The following ZNF385D variants were observed in gnomAD, a reference collection of about 807,000 sequenced individuals.
The protein encoded by ZNF385D is zinc finger protein 659.
Under a neutral mutation model 35.8 loss-of-function variants are expected in ZNF385D, and 15 were observed. The ratio of observed to expected loss-of-function variants is 0.42; its 90% CI spans 0.28 to 0.64. The LOEUF (loss-of-function observed/expected upper bound fraction) is 0.64, where lower values mean the gene tolerates loss of function less well. ZNF385D is among the 30% of genes least tolerant of loss of function. The pLI, the probability that ZNF385D is intolerant of heterozygous loss-of-function variation, is 0.23. For synonymous variants in ZNF385D, 212 were observed against 186.8 expected (o/e 1.13, Z -1.10); for missense variants, 474 against 494.6 (o/e 0.96, Z 0.39).
chr3:21,495,009 C>A (rs1218557004), intron 4 of ZNF385D, among the ~76,000 whole-genome samples: 1 of 151,958 alleles, frequency 6.6e-6, no homozygotes, highest in African/African-American at 2.4e-5. Context: ...TATTTTCTAC[C>A]CTGGATTATA....
Position 22,304,186 on chromosome 3 carries a change from T to A in ZNF385D, c.106+68264A>T, listed in dbSNP as rs1329653141. 2.6e-5 allele frequency among the ~76,000 whole-genome samples: 4 copies of A among 152,326 alleles called. No homozygotes were observed. In the East Asian group the frequency reaches 7.7e-4, roughly 29 times the overall value. ...AATTTTTAATAAAGAGCAAGTTTCT[T>A]CTTGTTTTCTCTAAAGAATATCCCT... On this transcript the variant is annotated intron_variant, in intron 2 of 5. Coordinates refer to the ZNF385D transcript ENST00000494108.
At chr3:21,853,541 T>G (rs11129028) in intron 3 of ZNF385D, among the ~76,000 whole-genome samples, 10,236 of 150,556 alleles carry the variant, frequency 0.068, 518 homozygotes, top group East Asian at 0.2. Flanking sequence ...GAATGTCACT[T>G]TATCATATCA....
chr3:21,454,766 G>T (rs1443422002), intron 4 of ZNF385D, among the ~76,000 whole-genome samples: 1 of 152,128 alleles, frequency 6.6e-6, no homozygotes, highest in East Asian at 1.9e-4. Flanking sequence ...AAGAAATAAA[G>T]GGTATTCAAT....
chr3:21,699,989 G>A lies in ZNF385D; in HGVS notation c.23-34961C>T, dbSNP rs569369547. Among the ~76,000 whole-genome samples the A allele has an allele frequency of 3.2e-3, 483 of 151,956 alleles. 2 individuals are homozygous for A. Among genetic ancestry groups the A allele is most frequent in the African/African-American group, 0.011 (468 of 41,444 alleles). On this transcript the variant is annotated intron_variant, in intron 1 of 7. Transcript: ENST00000281523. ...TGGGATTACAGGTGCATGCCACCATGCCCAGCTAATTTTTGTATTTTTAGT... is the reference window on the plus strand; with the variant it reads ...TGGGATTACAGGTGCATGCCACCATACCCAGCTAATTTTTGTATTTTTAGT...
At chr3:21,837,607 C>T (rs1393957350) in intron 3 of ZNF385D, among the ~76,000 whole-genome samples, 1 of 152,058 alleles carries the variant, frequency 6.6e-6, no homozygotes, top group Non-Finnish European at 1.5e-5. Flanking sequence ...GGTGCAGTGG[C>T]TCACACCTGT....
intron 2 of ZNF385D, among the ~76,000 whole-genome samples, chr3:22,190,772 G>C (rs1463090392): frequency 6.6e-6 from 1 of 151,968 alleles, no homozygotes; most frequent in Admixed American, 6.6e-5. Flanking sequence ...CTGTAACAAA[G>C]GTACAGGCTA....
intron 1 of ZNF385D, among the ~76,000 whole-genome samples, chr3:21,717,105 C>T (rs1035428146): frequency 3.3e-5 from 5 of 152,144 alleles, no homozygotes; most frequent in Non-Finnish European, 7.4e-5. Context: ...TGCACTCCAA[C>T]CTGGCAACGA....
At chr3:22,093,782 G>C (rs1273426303) in intron 3 of ZNF385D, among the ~76,000 whole-genome samples, 1 of 151,962 alleles carries the variant, frequency 6.6e-6, no homozygotes, top group Non-Finnish European at 1.5e-5. Context: ...TCCCACAGTT[G>C]TTTAGCATTA....
intron 1 of ZNF385D, among the ~76,000 whole-genome samples, chr3:21,740,773 G>A (rs1037975008): frequency 7.2e-5 from 11 of 152,128 alleles, no homozygotes; most frequent in Non-Finnish European, 1.3e-4. Flanking sequence ...ACTTCCCAGG[G>A]CCTCAGGATG....
intron 3 of ZNF385D, among the ~76,000 whole-genome samples, chr3:21,958,212 A>C (rs139346681): frequency 6.8e-4 from 104 of 152,262 alleles, no homozygotes; most frequent in Admixed American, 1.4e-3. Flanking sequence ...AGCGTGCACC[A>C]ATAATGGGCA....
chr3:21,436,561 G>A (rs996046411), intron 5 of ZNF385D, among the ~76,000 whole-genome samples: 18 of 151,986 alleles, frequency 1.2e-4, no homozygotes, highest in African/African-American at 4.1e-4. Context: ...TCAAAATAGA[G>A]GGGTTTTAAC....
chr3:21,809,649 T>C (rs1346896051), intron 3 of ZNF385D, among the ~76,000 whole-genome samples: 6 of 124,114 alleles, frequency 4.8e-5, no homozygotes, highest in Non-Finnish European at 7.2e-5. Context: ...CATATACATA[T>C]ACATATACAT....
chr3:21,671,467 G>A (rs1414678520), intron 1 of ZNF385D, among the ~76,000 whole-genome samples: 1 of 152,086 alleles, frequency 6.6e-6, no homozygotes, highest in East Asian at 1.9e-4. Flanking sequence ...GCATGGATTA[G>A]CCTTCTATCC....
chr3:21,893,033 GA>G (rs1384394104), intron 3 of ZNF385D, among the ~76,000 whole-genome samples: 1 of 152,146 alleles, frequency 6.6e-6, no homozygotes, highest in Non-Finnish European at 1.5e-5. Flanking sequence ...AAACATAGGA[GA>G]AGAGAAGAAA....
intron 2 of ZNF385D, among the ~76,000 whole-genome samples, chr3:22,362,583 A>G (rs1696463228): frequency 6.6e-6 from 1 of 152,138 alleles, no homozygotes; most frequent in Admixed American, 6.5e-5. Flanking sequence ...CATATCTTAC[A>G]GAACATAGGT....
At chr3:22,132,316 C>T (rs1479782811) in intron 3 of ZNF385D, among the ~76,000 whole-genome samples, 1 of 152,124 alleles carries the variant, frequency 6.6e-6, no homozygotes, top group Admixed American at 6.6e-5. Context: ...AAGAAACGGA[C>T]ATTCATCAGA....
Position 22,032,978 on chromosome 3 carries a change from G to A in ZNF385D, c.325+135839C>T, listed in dbSNP as rs1048745057. On this transcript the variant is annotated intron_variant, in intron 3 of 5. Coordinates refer to the ZNF385D transcript ENST00000494108. ...ATGAAAGTTTGATCTGCATCATTCCGTTATAAAACTCTTGCTCTTAGACCC... is the reference window on the plus strand; with the variant it reads ...ATGAAAGTTTGATCTGCATCATTCCATTATAAAACTCTTGCTCTTAGACCC... Among the ~76,000 whole-genome samples, 9 of 152,078 alleles carry A rather than the reference G, an allele frequency of 5.9e-5. 1 individual carries two copies. Among genetic ancestry groups the A allele is most frequent in the East Asian group, 3.9e-4 (2 of 5,182 alleles).
At chr3:21,987,063 T>C (rs1333322334) in intron 3 of ZNF385D, among the ~76,000 whole-genome samples, 2 of 115,706 alleles carry the variant, frequency 1.7e-5, no homozygotes, top group African/African-American at 7.6e-5. Context: ...TATGTATGTC[T>C]CTGCACGTGA....
chr3:21,920,145 G>C lies in ZNF385D; in HGVS notation c.325+248672C>G, dbSNP rs527907274. The stretch of plus-strand genomic sequence containing the variant: ...GAAGAATATGCAACAGAGACTATAG[G>C]TGTCCCCCAAAGATTAAACTATGTA... On this transcript the variant is annotated intron_variant, in intron 3 of 5. Coordinates refer to the ZNF385D transcript ENST00000494108. Among the ~76,000 whole-genome samples, 3 of 152,204 alleles carry C rather than the reference G, an allele frequency of 2.0e-5. No homozygotes were observed. In the East Asian group the frequency reaches 5.8e-4, roughly 29 times the overall value.
Sources: gnomAD v4.1 joint callset for allele counts (sites outside exome capture counted in the v4.1 genomes callset) on GRCh38, gnomAD v4.1.1 for gene constraint, MANE v1.5 for transcripts, NCBI Gene and HGNC (gene_info 2026-07-23, HGNC 2026-07-21) for gene names.